Variants in BBS9 observed in about 807,000 individuals in gnomAD.
The protein encoded by BBS9 is Bardet-Biedl syndrome 9.
Under a neutral mutation model 117.7 loss-of-function variants are expected in BBS9, and 89 were observed. The ratio of observed to expected loss-of-function variants is 0.76; its 90% confidence interval spans 0.64 to 0.90. BBS9 has a LOEUF of 0.90. BBS9 is among the 40% of genes least tolerant of loss of function. BBS9 has a pLI of 0.00. For missense variants in BBS9, 982 were observed against 1,042.2 expected, an observed-to-expected ratio of 0.94 and a Z score of 0.80; for synonymous variants, 379 against 370.9, an observed-to-expected ratio of 1.02 and a Z score of -0.25.
chr7:33,506,253 A>T (rs993267378), intron 20 of BBS9, among the ~76,000 whole-genome samples: 6 of 152,148 alleles, frequency 3.9e-5, no homozygotes, highest in Non-Finnish European at 7.3e-5. Flanking sequence ...AATTGTAGAG[A>T]TATATATGAC....
intron 6 of BBS9, among the ~76,000 whole-genome samples, chr7:33,261,198 C>T (rs1472312755): frequency 1.3e-5 from 2 of 152,092 alleles, no homozygotes; most frequent in Non-Finnish European, 2.9e-5. Flanking sequence ...ATGTAACCAA[C>T]ATCTCCTTTT....
Position 33,565,844 on chromosome 7 carries a change from T to TATATATA in BBS9, c.2521+31668_2521+31669insATATATA, listed in dbSNP as rs5883407. ...ATATATATACCGCTATATATACTGC[T>TATATATA]TATATATATATATATATATATATAT... On this transcript the variant is annotated intron_variant, in intron 21 of 22. Coordinates refer to ENST00000242067, the MANE Select transcript of BBS9 (RefSeq NM_198428.3). Among the ~76,000 whole-genome samples, 237 of 79,954 alleles carry TATATATA rather than the reference T, an allele frequency of 3.0e-3. 10 individuals carry two copies. The highest frequency in any genetic ancestry group is 0.019 in the South Asian group (37 of 1,978). 52.5% of individuals were successfully genotyped at this position (79,954 alleles called of 152,430 possible). A position where few individuals can be genotyped will look rare whatever the true frequency, so the allele number is the denominator to read the frequency against.
chr7:33,372,032 G>A (rs991945586), intron 17 of BBS9, among the ~76,000 whole-genome samples: 5 of 152,124 alleles, frequency 3.3e-5, no homozygotes, highest in Non-Finnish European at 5.9e-5. Context: ...AAAATTAATG[G>A]GTTCACCTGA....
chr7:33,383,459 A>G (rs1402572449), intron 17 of BBS9, among the ~76,000 whole-genome samples: 1 of 152,160 alleles, frequency 6.6e-6, no homozygotes, highest in African/African-American at 2.4e-5. Context: ...GTGACCACCT[A>G]CCTTTGGAAT....
intron 5 of BBS9, among the ~76,000 whole-genome samples, chr7:33,187,289 A>G (rs969471477): frequency 6.6e-6 from 1 of 152,246 alleles, no homozygotes; most frequent in African/African-American, 2.4e-5. Flanking sequence ...TTGAGCTAGA[A>G]TTTCTTTCAC....
chr7:33,365,742 G>A (rs1198588582), intron 16 of BBS9, among the ~76,000 whole-genome samples: 1 of 152,230 alleles, frequency 6.6e-6, no homozygotes, highest in African/African-American at 2.4e-5. Flanking sequence ...CTGGGGCACA[G>A]GAACCCCCAC....
At chr7:33,292,922 C>G (rs1299466362) in intron 9 of BBS9, among the ~76,000 whole-genome samples, 10 of 151,442 alleles carry the variant, frequency 6.6e-5, no homozygotes, top group Non-Finnish European at 1.5e-4. Context: ...AGGAGAATCG[C>G]TTGAACCTGG....
intron 21 of BBS9, among the ~76,000 whole-genome samples, chr7:33,572,643 A>G (rs953533750): frequency 6.6e-6 from 1 of 151,990 alleles, no homozygotes; most frequent in African/African-American, 2.4e-5. Context: ...TTTTAACTGG[A>G]GTGAGATGAT....
chr7:33,376,523 TG>T (rs1823920738), intron 17 of BBS9, among the ~76,000 whole-genome samples: 1 of 152,238 alleles, frequency 6.6e-6, no homozygotes, highest in Non-Finnish European at 1.5e-5. Context: ...TGTATCTTTA[TG>T]GTAGAACGAT....
intron 19 of BBS9, among the ~76,000 whole-genome samples, chr7:33,482,293 A>T (rs1171210122): frequency 3.3e-5 from 5 of 152,178 alleles, no homozygotes. Context: ...CTGGTTGACT[A>T]CCATGTTGCC....
intron 19 of BBS9, among the ~76,000 whole-genome samples, chr7:33,491,867 AGG>A (rs1563250855): frequency 6.6e-6 from 1 of 152,186 alleles, no homozygotes; most frequent in East Asian, 1.9e-4. Flanking sequence ...TATTGTCTTC[AGG>A]TATATGACAT....
chr7:33,556,393 A>AG (rs1356849264), intron 21 of BBS9, among the ~76,000 whole-genome samples: 1 of 152,168 alleles, frequency 6.6e-6, no homozygotes, highest in Non-Finnish European at 1.5e-5. Context: ...CCTTTCTGTG[A>AG]GTTTTCCTTT....
intron 19 of BBS9, among the ~76,000 whole-genome samples, chr7:33,441,280 CAAA>C (rs10706136): frequency 7.1e-6 from 1 of 141,588 alleles, no homozygotes; most frequent in African/African-American, 2.5e-5. Context: ...TGTAGATGGC[CAAA>C]AAAAAAAAAT....
intron 19 of BBS9, among the ~76,000 whole-genome samples, chr7:33,459,046 G>A (rs751151899): frequency 1.3e-5 from 2 of 152,078 alleles, no homozygotes; most frequent in Non-Finnish European, 2.9e-5. Flanking sequence ...AATGAAGTTA[G>A]GGGATCAGGA....
At chr7:33,612,259 A>T (rs1009269773) in intron 21 of BBS9, among the ~76,000 whole-genome samples, 1 of 152,060 alleles carries the variant, frequency 6.6e-6, no homozygotes, top group Non-Finnish European at 1.5e-5. Flanking sequence ...TCAGCAGCTC[A>T]CAAAAATGAA....
At chr7:33,402,092 T>G (rs1386680805) in intron 19 of BBS9, among the ~76,000 whole-genome samples, 1 of 152,204 alleles carries the variant, frequency 6.6e-6, no homozygotes, top group Non-Finnish European at 1.5e-5. Context: ...CTGGTCCTTA[T>G]GGTCAAATGT....
intron 19 of BBS9, among the ~76,000 whole-genome samples, chr7:33,452,963 G>T (rs1838109424): frequency 6.6e-6 from 1 of 152,182 alleles, no homozygotes; most frequent in South Asian, 2.1e-4. Context: ...ATCAAGAAAA[G>T]ATTAAGTTAC....
chr7:33,546,134 T>C (rs1374013454), intron 21 of BBS9, among the ~76,000 whole-genome samples: 3 of 151,870 alleles, frequency 2.0e-5, no homozygotes, highest in African/African-American at 4.8e-5. Context: ...AGGGTTTCAC[T>C]ATGTTAGCCA....
chr7:33,581,146 GT>G (rs1023651842), intron 21 of BBS9, among the ~76,000 whole-genome samples: 4 of 150,296 alleles, frequency 2.7e-5, no homozygotes, highest in African/African-American at 7.3e-5. Flanking sequence ...TTTTTTATTT[GT>G]TTTTTTTTGT....
Sources: allele counts gnomAD v4.1 joint callset (sites outside exome capture counted in the v4.1 genomes callset), GRCh38; gene constraint gnomAD v4.1.1; transcripts MANE v1.5; gene names NCBI Gene and HGNC (gene_info 2026-07-23, HGNC 2026-07-21).